MTHFD1L: variants seen among roughly 807,000 people sequenced by gnomAD.
The protein encoded by MTHFD1L is monofunctional C1-tetrahydrofolate synthase, mitochondrial.
In MTHFD1L, 81 loss-of-function variants were observed where a neutral mutation model predicts 119.5. The ratio of observed to expected loss-of-function variants is 0.68; its 90% confidence interval spans 0.57 to 0.82. The LOEUF (loss-of-function observed/expected upper bound fraction) is 0.82, where lower values mean the gene tolerates loss of function less well. MTHFD1L is among the 40% of genes least tolerant of loss of function. MTHFD1L has a pLI of 0.00. For synonymous variants in MTHFD1L, 430 were observed against 475.2 expected (o/e 0.90, Z 1.24); for missense variants, 1,125 against 1,253.4 (o/e 0.90, Z 1.55).
At chr6:151,029,129 A>G (rs1370581973) in intron 24 of MTHFD1L, among the ~76,000 whole-genome samples, 1 of 151,628 alleles carries the variant, frequency 6.6e-6, no homozygotes, top group East Asian at 2.0e-4. Flanking sequence ...TCTTAAAAAT[A>G]TATATTTTAG....
chr6:151,092,536 C>T lies in MTHFD1L; in HGVS notation c.2917C>T (p.Gln973Ter), dbSNP rs762309552. 6.2e-7 allele frequency: 1 copy of T among 1,614,138 alleles called. No individual in the cohort carries two copies. Among genetic ancestry groups the T allele is most frequent in the Non-Finnish European group, 8.5e-7 (1 of 1,180,012 alleles). ...CATAGATCTTGATACCGAAACAGAA[C>T]AAGTTAAAGGCTTGTTCTAAGTGGA... ...YDIDLDTETEQVKGLF is the reference protein window; with the variant it reads ...YDIDLDTETE The change falls in exon 27 of 28, where the codon CAA (glutamine) becomes TAA (stop). Residue 973 changes from glutamine to a stop codon, truncating the protein, a stop_gained. Coordinates refer to ENST00000367321, the MANE Select transcript of MTHFD1L (RefSeq NM_015440.5). LOFTEE classifies it high-confidence loss of function.
At chr6:151,007,978 G>A (rs773655979) in intron 20 of MTHFD1L, among the ~76,000 whole-genome samples, 3 of 152,130 alleles carry the variant, frequency 2.0e-5, no homozygotes, top group Non-Finnish European at 2.9e-5. Context: ...CATTTTTGAT[G>A]TAATTTTTTT....
intron 20 of MTHFD1L, among the ~76,000 whole-genome samples, chr6:150,998,962 C>T (rs1194563939): frequency 8.1e-5 from 12 of 148,258 alleles, no homozygotes; most frequent in Middle Eastern, 3.4e-3. Flanking sequence ...GCACTCCAGC[C>T]TGGGCAAACA....
At chr6:151,023,947 C>G (rs142785979) in intron 24 of MTHFD1L, among the ~76,000 whole-genome samples, 10 of 152,076 alleles carry the variant, frequency 6.6e-5, no homozygotes, top group Admixed American at 6.5e-4. Flanking sequence ...AAAGCAAGCT[C>G]GTGAAGACCA....
At chr6:150,948,822 G>T (rs1794442715) in intron 15 of MTHFD1L, among the ~76,000 whole-genome samples, 1 of 148,406 alleles carries the variant, frequency 6.7e-6, no homozygotes, top group Non-Finnish European at 1.5e-5. Context: ...TGCATTTTTA[G>T]TAGAGATGGG....
chr6:150,934,923 G>C, intron 11 of MTHFD1L: 4 of 1,513,528 alleles, frequency 2.6e-6, no homozygotes, highest in Non-Finnish European at 3.5e-6. Context: ...TCTAAAGCAA[G>C]AAGAGAAAAG....
intron 20 of MTHFD1L, among the ~76,000 whole-genome samples, chr6:150,997,243 A>G (rs979739113): frequency 2.0e-5 from 3 of 152,174 alleles, no homozygotes; most frequent in African/African-American, 7.2e-5. Context: ...CGATGAGTGC[A>G]CTGCTGGTAC....
At chr6:151,074,634 C>T (rs917544286) in intron 26 of MTHFD1L, among the ~76,000 whole-genome samples, 3 of 152,104 alleles carry the variant, frequency 2.0e-5, no homozygotes, top group Non-Finnish European at 2.9e-5. Context: ...AAAAACAAAC[C>T]GTGTATACAA....
At chr6:151,073,158 G>C (rs1331627540) in intron 26 of MTHFD1L, among the ~76,000 whole-genome samples, 1 of 152,212 alleles carries the variant, frequency 6.6e-6, no homozygotes, top group Non-Finnish European at 1.5e-5. Context: ...GGAAACCAAG[G>C]CAGCTAGTTT....
At chr6:150,940,821 C>T (rs1157427772) in intron 13 of MTHFD1L, among the ~76,000 whole-genome samples, 1 of 152,074 alleles carries the variant, frequency 6.6e-6, no homozygotes, top group Admixed American at 6.5e-5. Flanking sequence ...CTCAGGTGAC[C>T]CACCCACCTC....
intron 16 of MTHFD1L, among the ~76,000 whole-genome samples, chr6:150,954,620 C>T (rs1324503381): frequency 6.6e-6 from 1 of 151,530 alleles, no homozygotes; most frequent in Non-Finnish European, 1.5e-5. Context: ...TCCCAGGAGG[C>T]GAAGGTTGTA....
intron 13 of MTHFD1L, among the ~76,000 whole-genome samples, chr6:150,940,625 G>GGCT (rs895773286): frequency 3.3e-5 from 5 of 152,014 alleles, no homozygotes; most frequent in Admixed American, 3.3e-4. Context: ...CTGTCACCCA[G>GGCT]GCTGGAGTGC....
At chr6:151,026,820 C>CCT (rs1159614991) in intron 24 of MTHFD1L, among the ~76,000 whole-genome samples, 2 of 51,282 alleles carry the variant, frequency 3.9e-5, no homozygotes, top group African/African-American at 8.4e-5. Context: ...CCTTTCTATC[C>CCT]TTTTTTTTTT....
At chr6:150,970,382 G>A (rs963782862) in intron 19 of MTHFD1L, among the ~76,000 whole-genome samples, 4 of 152,174 alleles carry the variant, frequency 2.6e-5, no homozygotes, top group Admixed American at 6.5e-5. Context: ...CTTCACATGC[G>A]AGAGCACACT....
intron 24 of MTHFD1L, among the ~76,000 whole-genome samples, chr6:151,020,469 A>G (rs1324742335): frequency 6.6e-6 from 1 of 152,004 alleles, no homozygotes; most frequent in Non-Finnish European, 1.5e-5. Flanking sequence ...TTCAGCAGCA[A>G]CTGCTGTCTA....
intron 20 of MTHFD1L, among the ~76,000 whole-genome samples, chr6:151,003,222 C>A (rs969536816): frequency 2.0e-5 from 3 of 152,186 alleles, no homozygotes; most frequent in South Asian, 2.1e-4. Flanking sequence ...ACAACAACAA[C>A]AAAAAACACA....
At position 151,069,251 on chromosome 6, in the gene MTHFD1L, T is replaced by TTCTCTCTCTCTCTCTCTC. The variant is rs371324778; in HGVS notation, c.2848-23203_2848-23186dup. 4.8e-4 allele frequency among the ~76,000 whole-genome samples: 66 copies of TTCTCTCTCTCTCTCTCTC among 136,292 alleles called. 1 individual carries two copies. Among genetic ancestry groups the TTCTCTCTCTCTCTCTCTC allele is most frequent in the Middle Eastern group, 4.0e-3 (1 of 250 alleles). 89.4% of individuals were successfully genotyped at this position (136,292 alleles called of 152,430 possible). A position where few individuals can be genotyped will look rare whatever the true frequency, so the allele number is the denominator to read the frequency against. On this transcript the variant is annotated intron_variant, in intron 26 of 27. Coordinates refer to ENST00000367321, the MANE Select transcript of MTHFD1L (RefSeq NM_015440.5). ...AGGCCCAAAACTATCTTCTCTCTCTTTCTCTCTCTCTCTCTCTCTCTCTCT... is the reference window on the plus strand; with the variant it reads ...AGGCCCAAAACTATCTTCTCTCTCTTTCTCTCTCTCTCTCTCTCTCTCTCTCTCTCTCTCTCTCTCTCT...
chr6:150,932,085 C>T (rs1791133847), intron 11 of MTHFD1L, among the ~76,000 whole-genome samples: 1 of 138,304 alleles, frequency 7.2e-6, no homozygotes, highest in South Asian at 2.4e-4. Flanking sequence ...TTGCTTGAGC[C>T]CGGGAGGTGG....
At chr6:151,012,174 C>A (rs1782377683) in intron 21 of MTHFD1L, among the ~76,000 whole-genome samples, 1 of 151,852 alleles carries the variant, frequency 6.6e-6, no homozygotes, top group South Asian at 2.1e-4. Context: ...TTCTCAATTC[C>A]TTGAGTTTAG....
Sources: allele counts gnomAD v4.1 joint callset (sites outside exome capture counted in the v4.1 genomes callset), GRCh38; gene constraint gnomAD v4.1.1; transcripts MANE v1.5; gene names NCBI Gene and HGNC (gene_info 2026-07-23, HGNC 2026-07-21).